ULK3: variants seen among roughly 807,000 people sequenced by gnomAD.
The protein encoded by ULK3 is serine/threonine-protein kinase ULK3.
ULK3 carries 54 observed loss-of-function variants against 69.4 expected under a neutral mutation model. That is an observed-to-expected ratio of 0.78 (90% CI 0.63 to 0.98). The LOEUF (loss-of-function observed/expected upper bound fraction) is 0.98. Among genes scored for constraint, ULK3 ranks in the 50% least tolerant of loss-of-function variants. ULK3 has a pLI of 0.00. For missense variants in ULK3, 558 were observed against 627.7 expected (o/e 0.89, Z 1.19); for synonymous variants, 240 against 254.5 (o/e 0.94, Z 0.54).
chr15:74,838,546 C>A (rs1311940656), intron 10 of ULK3, 42 bp from the exon 11 acceptor site: 1 of 1,565,900 alleles, frequency 6.4e-7, no homozygotes, highest in Non-Finnish European at 8.7e-7. Flanking sequence ...AAGCAACCTG[C>A]CTGTTCGCTG....
Position 74,841,451 on chromosome 15 carries a change from C to G in ULK3, c.423G>C (p.Gln141His). 1 of 1,613,958 alleles carries G rather than the reference C, an allele frequency of 6.2e-7. No homozygotes were observed. The highest frequency in any genetic ancestry group is 8.5e-7 in the Non-Finnish European group (1 of 1,179,876). ...RNISHLDLKP[Q>H]NILLSSLEKP... is the part of the protein sequence containing the mutation. ...TCTCCAAGGAGCTCAGTAGAATGTTCTGTGGCTTCAGATCCAGGTGAGAGA... is the reference window on the plus strand; with the variant it reads ...TCTCCAAGGAGCTCAGTAGAATGTTGTGTGGCTTCAGATCCAGGTGAGAGA... Residue 141 changes from glutamine (Q) to histidine (H), a missense_variant, in exon 4 of 16, where the codon CAG becomes CAC. By Grantham distance (24) the Gln-to-His change is conservative. Transcript: ENST00000440863.
At position 74,842,711 on chromosome 15, in the gene ULK3, T is replaced by C; in HGVS notation, c.103-291A>G. On this transcript the variant is annotated intron_variant, in intron 1 of 15. Coordinates refer to ENST00000440863, the MANE Select transcript of ULK3 (RefSeq NM_001099436.4). The surrounding 1 kb of genome is among the most constrained non-coding windows in gnomAD (Gnocchi z 4.9). ...CCGGCAGAGGCATGTCACTCAGGGT[T>C]CTAGAACCGCCCACTCTGCCTCCCA... is the stretch of plus-strand genomic sequence containing the variant. The C allele has an allele frequency of 6.6e-7, 1 of 1,526,160 alleles. No homozygotes were observed. Among genetic ancestry groups the C allele is most frequent in the Non-Finnish European group, 8.8e-7 (1 of 1,138,988 alleles). 94.5% of individuals were successfully genotyped at this position (1,526,160 alleles called of 1,614,324 possible).
In ULK3 at chr15:74,842,038, A is replaced by G. The variant is rs2064270379; in HGVS notation, c.364+37T>C. On this transcript the variant is annotated intron_variant, in intron 3 of 15. Transcript: ENST00000440863. This position sits in a 1 kb window ranked among gnomAD's most constrained non-coding sequence, Gnocchi z 4.9. ...GTGGGATGGTGGGGGGCAGAGAACA[A>G]GGGACAGAGTGTCAGGCTGGTGTCA... is the stretch of plus-strand genomic sequence containing the variant. The G allele has an allele frequency of 6.2e-7, 1 of 1,612,524 alleles. No individual in the cohort carries two copies. Among genetic ancestry groups the G allele is most frequent in the Non-Finnish European group, 8.5e-7 (1 of 1,179,574 alleles).
chr15:74,840,252 A>ACGGATCTTCTCTTCCAGCTC lies in ULK3; in HGVS notation c.658_677dup (p.Asn228TrpfsTer72). ...GACACACCTCGATGACCCGGTTGCTACGGATCTTCTCTTCCAGCTCCGAGA... is the reference window on the plus strand; with the variant it reads ...GACACACCTCGATGACCCGGTTGCTACGGATCTTCTCTTCCAGCTCCGGATCTTCTCTTCCAGCTCCGAGA... On this transcript the variant is annotated frameshift_variant, in exon 6 of 16. Coordinates refer to ENST00000440863, the MANE Select transcript of ULK3 (RefSeq NM_001099436.4). LOFTEE classifies it high-confidence loss of function. The ACGGATCTTCTCTTCCAGCTC allele has an allele frequency of 6.2e-7, 1 of 1,610,440 alleles. No individual in the cohort carries two copies. The highest frequency in any genetic ancestry group is 2.2e-5 in the East Asian group (1 of 44,764).
In ULK3 at chr15:74,839,604, C is replaced by A; in HGVS notation, c.806G>T (p.Trp269Leu). 6.4e-7 allele frequency: 1 copy of A among 1,563,492 alleles called. No homozygotes were observed. Among genetic ancestry groups the A allele is most frequent in the East Asian group, 2.4e-5 (1 of 42,020 alleles). ...ISFQDFFAHP[W>L]VDLEHMPSGE... ...ACTGGGCATGTGCTCCAGGTCCACC[C>A]AGGGGTGCGCAAAAAAGTCCTGGAA... The change falls in exon 7 of 16, where the codon TGG becomes TTG. Residue 269 changes from tryptophan to leucine, a missense_variant. Trp to Leu is a moderately conservative substitution (Grantham distance 61). Transcript: ENST00000440863.
chr15:74,838,185 G>T lies in ULK3; in HGVS notation c.1254C>A (p.Pro418=). 1 of 1,565,468 alleles carries T rather than the reference G, an allele frequency of 6.4e-7. No homozygotes were observed. Among genetic ancestry groups the T allele is most frequent in the Non-Finnish European group, 8.7e-7 (1 of 1,155,614 alleles). ...GELLLLLAAE[P]PGRRRELLHT... ...GAAGCAGCTCCCGCCTCCGGCCCGG[G>T]GGCTCCGCTGTAAAGAGAGGGTGTG... Residue 418 remains proline, a synonymous_variant, in exon 13 of 16, where the codon CCC becomes CCA. Coordinates refer to ENST00000440863, the MANE Select transcript of ULK3 (RefSeq NM_001099436.4).
Position 74,839,315 on chromosome 15 carries a change from A to G in ULK3, c.911T>C (p.Leu304Ser). The stretch of plus-strand genomic sequence containing the variant: ...GTCCAGAGCCTTGCAGTAGAGTGAT[A>G]AGGCAGCTGCTGAATCCCCCTCCTG... ...KDQEGDSAAALSLYCKALDFF... is the reference protein window; with the variant it reads ...KDQEGDSAAASSLYCKALDFF... Residue 304 changes from leucine (L) to serine (S), a missense_variant, in exon 8 of 16, where the codon TTA (leucine) becomes TCA (serine). Coordinates refer to ENST00000440863, the MANE Select transcript of ULK3 (RefSeq NM_001099436.4). 3 of 1,567,466 alleles carry G rather than the reference A, an allele frequency of 1.9e-6. No homozygotes were observed. The highest frequency in any genetic ancestry group is 2.6e-6 in the Non-Finnish European group (3 of 1,155,596).
chr15:74,838,616 T>G, intron 10 of ULK3, 27 bp downstream of exon 10: 2 of 1,597,818 alleles, frequency 1.3e-6, no homozygotes, highest in Middle Eastern at 3.3e-4. Flanking sequence ...CTGGGGGCCC[T>G]GGGGTCAGCC....
Position 74,842,941 on chromosome 15 carries a change from T to G in ULK3, c.102+63A>C. 1 of 1,500,800 alleles carries G rather than the reference T, an allele frequency of 6.7e-7. No homozygotes were observed. The highest frequency in any genetic ancestry group is 2.2e-5 in the Admixed American group (1 of 45,724). The allele number at this position is 1,500,800 out of a possible 1,614,324, so 93.0% of individuals were successfully genotyped here. ...CCACACTGTCGCTAACCTCTCAGAG[T>G]CTCCCCGGCCGGCACCAGCCGAGCT... is the stretch of plus-strand genomic sequence containing the variant. On this transcript the variant is annotated intron_variant, in intron 1 of 15. Coordinates refer to ENST00000440863, the MANE Select transcript of ULK3 (RefSeq NM_001099436.4). The surrounding 1 kb of genome is among the most constrained non-coding windows in gnomAD (Gnocchi z 4.9).
chr15:74,840,579 G>T lies in ULK3; in HGVS notation c.532C>A (p.Leu178Ile), dbSNP rs759102107. 1 of 1,607,800 alleles carries T rather than the reference G, an allele frequency of 6.2e-7. No homozygotes were observed. The highest frequency in any genetic ancestry group is 8.5e-7 in the Non-Finnish European group (1 of 1,177,948). ...CACACCATCTCGGGGGCCATGTAGA[G>T]GGGGGAGCCACGGAGCACGTGCTTC... ...DEKHVLRGSP[L>I]YMAPEMVCQR... Residue 178 changes from leucine to isoleucine, a missense_variant, in exon 5 of 16, where the codon CTC becomes ATC. Physicochemically the swap from Leu to Ile is conservative, Grantham distance 5. Transcript: ENST00000440863.
At position 74,838,760 on chromosome 15, in the gene ULK3, G is replaced by A. The variant is rs201824632; in HGVS notation, c.1000-15C>T. The A allele has an allele frequency of 1.9e-6, 3 of 1,587,114 alleles. No homozygotes were observed. The African/African-American group carries it at 4.0e-5, about 21-fold the overall frequency. On this transcript the variant is annotated splice_polypyrimidine_tract_variant and intron_variant, in intron 9 of 15. Coordinates refer to ENST00000440863, the MANE Select transcript of ULK3 (RefSeq NM_001099436.4). ...TACTGCCCCACCTGTAGCAGGGAAA[G>A]GGCCTGAGGAGGGGCTGTCTCACCA...
In ULK3 at chr15:74,842,459, G is replaced by C; in HGVS notation, c.103-39C>G. On this transcript the variant is annotated intron_variant, in intron 1 of 15. Transcript: ENST00000440863. This position sits in a 1 kb window ranked among gnomAD's most constrained non-coding sequence, Gnocchi z 4.9. ...GATTTGGGGACTCTGCCTTGAGGGG[G>C]CCAGGACCCTTGTCTGACTGGAAAG... The C allele has an allele frequency of 6.2e-7, 1 of 1,613,234 alleles. No individual in the cohort carries two copies.
Position 74,837,494 on chromosome 15 carries a change from TGCCGAGCAA to T in ULK3, c.1336-68_1336-60del, listed in dbSNP as rs2064056850. 8 of 1,232,370 alleles carry T rather than the reference TGCCGAGCAA, an allele frequency of 6.5e-6. No homozygotes were observed. The African/African-American group carries it at 1.2e-4, about 19-fold the overall frequency. The allele number at this position is 1,232,370 out of a possible 1,614,324, so 76.3% of individuals were successfully genotyped here. On this transcript the variant is annotated intron_variant, in intron 14 of 15. Transcript: ENST00000440863. ...GGCAGACACACGAGCCACAGCGCAG[TGCCGAGCAA>T]GTGAGAGAGTGAAGGACGGGGACAC...
Position 74,838,241 on chromosome 15 carries a change from G to C in ULK3, c.1246+25C>G, listed in dbSNP as rs545722129. 8.1e-5 allele frequency: 126 copies of C among 1,563,080 alleles called. No individual in the cohort carries two copies. In the Admixed American group the frequency reaches 1.1e-3, roughly 14 times the overall value. On this transcript the variant is annotated intron_variant, in intron 12 of 15. Coordinates refer to ENST00000440863, the MANE Select transcript of ULK3 (RefSeq NM_001099436.4). ...AGGACAGGGTGGCCAGAGGCCCTGTGGGGGGCATAAATGGGGGCCCTCACC... is the reference window on the plus strand; with the variant it reads ...AGGACAGGGTGGCCAGAGGCCCTGTCGGGGGCATAAATGGGGGCCCTCACC...
In ULK3 at chr15:74,840,528, C is replaced by T. The variant is rs1238322219; in HGVS notation, c.583G>A (p.Asp195Asn). ...VCQRQYDARV[D>N]LWSMGVILYE... ...AGGATGACCCCCATGGACCAGAGGT[C>T]CACGCGGGCGTCATACTGCCGCTGG... The change falls in exon 5 of 16, where the codon GAC (aspartate) becomes AAC (asparagine). Residue 195 changes from aspartate to asparagine, a missense_variant. Physicochemically the swap from Asp to Asn is conservative, Grantham distance 23. Coordinates refer to ENST00000440863, the MANE Select transcript of ULK3 (RefSeq NM_001099436.4). 6.2e-7 allele frequency: 1 copy of T among 1,609,636 alleles called. No homozygotes were observed.
rs1449005838 is a variant in ULK3, at chr15:74,842,096, G to C, written c.343C>G (p.Arg115Gly). The change falls in exon 3 of 16, where the codon CGT (arginine) becomes GGT (glycine). Residue 115 changes from arginine (R) to glycine (G), a missense_variant. Physicochemically the swap from Arg to Gly is moderately radical, Grantham distance 125 (BLOSUM62 -2). Coordinates refer to ENST00000440863, the MANE Select transcript of ULK3 (RefSeq NM_001099436.4). This position sits in a 1 kb window ranked among gnomAD's most constrained non-coding sequence, Gnocchi z 4.9. ...TTACCTAATTGCTGCATGAAGACAC[G>C]CGCCACCTTCTCAGGCAGAATCCTG... ...TRRILPEKVARVFMQQLASAL... is the reference protein window; with the variant it reads ...TRRILPEKVAGVFMQQLASAL... 1 of 1,613,882 alleles carries C rather than the reference G, an allele frequency of 6.2e-7. No homozygotes were observed. Among genetic ancestry groups the C allele is most frequent in the African/African-American group, 1.3e-5 (1 of 75,034 alleles).
rs1002540106 is a variant in ULK3 at position 74,843,093 on chromosome 15, C to T, written c.13G>A (p.Gly5Ser). 7.4e-6 allele frequency: 10 copies of T among 1,346,646 alleles called. No homozygotes were observed. The highest frequency in any genetic ancestry group is 9.6e-6 in the Non-Finnish European group (10 of 1,044,220). The allele number at this position is 1,346,646 out of a possible 1,614,324, so 83.4% of individuals were successfully genotyped here. ...CCGTCCAGGCGCGGGGGACCCCAGCCGGGCCCCGCCATTCCGGCCGCCTGC... is the reference window on the plus strand; with the variant it reads ...CCGTCCAGGCGCGGGGGACCCCAGCTGGGCCCCGCCATTCCGGCCGCCTGC... MAGP[G>S]WGPPRLDGFI... Residue 5 changes from glycine to serine, a missense_variant, in exon 1 of 16, where the codon GGC (glycine) becomes AGC (serine). Physicochemically the swap from Gly to Ser is moderately conservative, Grantham distance 56. Transcript: ENST00000440863.
In ULK3 at chr15:74,838,848, T is replaced by C. The variant is rs537949858; in HGVS notation, c.1000-103A>G. 1.1e-4 allele frequency: 148 copies of C among 1,404,094 alleles called. No individual in the cohort carries two copies. The South Asian group carries it at 1.7e-3, about 16-fold the overall frequency. The allele number at this position is 1,404,094 out of a possible 1,614,324, so 87.0% of individuals were successfully genotyped here. ...TGCATTGTTAGTGACTGCCTCAAGC[T>C]ATAAACATGTCAGGGGGCAAATGTG... On this transcript the variant is annotated intron_variant, in intron 9 of 15. Transcript: ENST00000440863.
At chr15:74,841,597 C>G in intron 3 of ULK3, 88 bp from the exon 4 acceptor site, 1 of 1,042,382 alleles carries the variant, frequency 9.6e-7, no homozygotes, top group Non-Finnish European at 1.5e-6. Flanking sequence ...CCTCCTCAAG[C>G]CTGCACAACC....
Sources: gnomAD v4.1 joint callset for allele counts on GRCh38, gnomAD v4.1.1 for gene constraint, Gnocchi (gnomAD v3.1) non-coding constraint, MANE v1.5 for transcripts, NCBI Gene and HGNC (gene_info 2026-07-23, HGNC 2026-07-21) for gene names.